Variants in PAFAH1B1 observed in about 807,000 individuals in gnomAD.
The protein encoded by PAFAH1B1 is platelet-activating factor acetylhydrolase IB subunit beta.
A neutral mutation model predicts 57.5 loss-of-function variants in PAFAH1B1; 2 were observed. That is an observed-to-expected ratio of 0.03 (90% CI 0.01 to 0.11). The LOEUF is 0.11. Ranked by LOEUF, PAFAH1B1 falls within the 10% of genes least tolerant of loss-of-function variation. The pLI is 1.00. For synonymous variants in PAFAH1B1, 152 were observed against 169.6 expected (o/e 0.90, Z 0.81); for missense variants, 257 against 512.0 (o/e 0.50, Z 4.81).
chr17:2,667,911 C>G (rs967004319), intron 5 of PAFAH1B1, among the ~76,000 whole-genome samples: 3 of 151,680 alleles, frequency 2.0e-5, no homozygotes, highest in African/African-American at 4.9e-5. Flanking sequence ...ATAAAATGAC[C>G]GTTGTATAAA....
At chr17:2,625,160 A>G (rs2068473403) in intron 1 of PAFAH1B1, among the ~76,000 whole-genome samples, 1 of 152,182 alleles carries the variant, frequency 6.6e-6, no homozygotes, top group South Asian at 2.1e-4. Flanking sequence ...ATGCTTAAGA[A>G]TTCTGCATTC....
intron 1 of PAFAH1B1, chr17:2,613,381 A>G (rs979222551): frequency 6.7e-5 from 16 of 239,746 alleles, no homozygotes; most frequent in Admixed American, 4.9e-4. Context: ...GGCCCCCTTC[A>G]TAGGGGGAGG....
intron 9 of PAFAH1B1, among the ~76,000 whole-genome samples, chr17:2,678,760 C>T (rs2069315865): frequency 6.6e-6 from 1 of 152,054 alleles, no homozygotes; most frequent in Non-Finnish European, 1.5e-5. Flanking sequence ...TGATGCATGC[C>T]TATAGTCCTA....
At chr17:2,628,719 GGACCTTTT>G (rs1449125608) in intron 1 of PAFAH1B1, among the ~76,000 whole-genome samples, 1 of 152,014 alleles carries the variant, frequency 6.6e-6, no homozygotes, top group African/African-American at 2.4e-5. Flanking sequence ...GTCTGGTCCT[GGACCTTTT>G]TTTGTTGGTA....
At chr17:2,658,949 A>G (rs1182147093) in intron 2 of PAFAH1B1, among the ~76,000 whole-genome samples, 2 of 152,158 alleles carry the variant, frequency 1.3e-5, no homozygotes, top group African/African-American at 4.8e-5. Flanking sequence ...AGGGTATTGT[A>G]GCATAAAAGT....
At chr17:2,615,425 C>T (rs183405307) in intron 1 of PAFAH1B1, among the ~76,000 whole-genome samples, 1 of 152,226 alleles carries the variant, frequency 6.6e-6, no homozygotes, top group East Asian at 1.9e-4. Flanking sequence ...ATTTCGAAGA[C>T]AAAAGTAGGA....
rs1237262065 is a variant in PAFAH1B1 at position 2,658,444 on chromosome 17, A to AT, written c.33-6922dup. On this transcript the variant is annotated intron_variant, in intron 2 of 10. Coordinates refer to ENST00000397195, the MANE Select transcript of PAFAH1B1 (RefSeq NM_000430.4). ...AATACGAGAATGAACAGTAATGCATATTTTTTGTTTATTTATTTGGTTTTG... is the reference window on the plus strand; with the variant it reads ...AATACGAGAATGAACAGTAATGCATATTTTTTTGTTTATTTATTTGGTTTTG... Among the ~76,000 whole-genome samples the AT allele has an allele frequency of 3.3e-5, 5 of 152,118 alleles. No individual in the cohort carries two copies. In the South Asian group the frequency reaches 1.0e-3, roughly 31 times the overall value.
chr17:2,603,643 A>T (rs943319517), intron 1 of PAFAH1B1, among the ~76,000 whole-genome samples: 2 of 152,090 alleles, frequency 1.3e-5, no homozygotes, highest in African/African-American at 2.4e-5. Context: ...AAAAGTATGT[A>T]TATATGTATA....
At chr17:2,600,616 A>G (rs1037003264) in intron 1 of PAFAH1B1, among the ~76,000 whole-genome samples, 2 of 151,396 alleles carry the variant, frequency 1.3e-5, no homozygotes, top group African/African-American at 4.8e-5. Context: ...GTTCTATGAT[A>G]TACTAGTGTT....
At chr17:2,650,372 C>A (rs867207476) in intron 2 of PAFAH1B1, among the ~76,000 whole-genome samples, 1 of 151,962 alleles carries the variant, frequency 6.6e-6, no homozygotes, top group African/African-American at 2.4e-5. Context: ...ATTAGCCAGA[C>A]GTGGCGGTGT....
chr17:2,605,970 CTT>C (rs2068200688), intron 1 of PAFAH1B1, among the ~76,000 whole-genome samples: 1 of 152,104 alleles, frequency 6.6e-6, no homozygotes, highest in South Asian at 2.1e-4. Flanking sequence ...GAAGCAAAGT[CTT>C]TTACTTTGCT....
Position 2,638,285 on chromosome 17 carries a change from C to G in PAFAH1B1, c.-4C>G. Reference sequence around the variant, plus strand: ...TATCAGATAAGCTTGACATTACAGCCAAGATGGTGCTGTCCCAGAGACAAC... The same window carrying G: ...TATCAGATAAGCTTGACATTACAGCGAAGATGGTGCTGTCCCAGAGACAAC... On this transcript the variant is annotated 5_prime_UTR_variant, in exon 2 of 11. Coordinates refer to ENST00000397195, the MANE Select transcript of PAFAH1B1 (RefSeq NM_000430.4). 1 of 1,611,976 alleles carries G rather than the reference C, an allele frequency of 6.2e-7. No homozygotes were observed. Among genetic ancestry groups the G allele is most frequent in the Non-Finnish European group, 8.5e-7 (1 of 1,179,132 alleles).
chr17:2,650,006 A>G (rs986123147), intron 2 of PAFAH1B1, among the ~76,000 whole-genome samples: 13 of 152,276 alleles, frequency 8.5e-5, no homozygotes, highest in African/African-American at 2.9e-4. Context: ...GTAGAGGTGG[A>G]CTTCCTCAAG....
chr17:2,655,316 A>G (rs992362244), intron 2 of PAFAH1B1, among the ~76,000 whole-genome samples: 7 of 152,018 alleles, frequency 4.6e-5, no homozygotes, highest in Admixed American at 3.9e-4. Flanking sequence ...CCTTTTACAT[A>G]CCACATCACA....
At chr17:2,647,195 C>A (rs1310045389) in intron 2 of PAFAH1B1, among the ~76,000 whole-genome samples, 1 of 152,070 alleles carries the variant, frequency 6.6e-6, no homozygotes, top group Admixed American at 6.6e-5. Context: ...ACTAAAAATA[C>A]AAAAATTAGC....
chr17:2,596,282 AT>A (rs2068083550), intron 1 of PAFAH1B1, among the ~76,000 whole-genome samples: 1 of 152,192 alleles, frequency 6.6e-6, no homozygotes, highest in South Asian at 2.1e-4. Flanking sequence ...AATGTCAGAA[AT>A]ATTTGGCAAG....
rs890375326 is a variant in PAFAH1B1 at position 2,683,730 on chromosome 17, A to G, written c.*1928A>G. 3 of 152,490 alleles carry G rather than the reference A, an allele frequency of 2.0e-5. No individual in the cohort carries two copies. Among genetic ancestry groups the G allele is most frequent in the Admixed American group, 2.0e-4 (3 of 15,274 alleles). 9.4% of individuals were successfully genotyped at this position (152,490 alleles called of 1,614,324 possible). A position where few individuals can be genotyped will look rare whatever the true frequency, so the allele number is the denominator to read the frequency against. On this transcript the variant is annotated 3_prime_UTR_variant, in exon 11 of 11. Transcript: ENST00000397195. ...AATATTGCCTCACAACCCTGCTTAC[A>G]TTGAAAAGTCTTTTTCCCTTAGCTC...
chr17:2,620,690 C>T (rs777001500), intron 1 of PAFAH1B1, among the ~76,000 whole-genome samples: 1 of 152,094 alleles, frequency 6.6e-6, no homozygotes, highest in African/African-American at 2.4e-5. Flanking sequence ...GGTAAAACCC[C>T]GTCTCTACTA....
At position 2,663,113 on chromosome 17, in the gene PAFAH1B1, CTAAA is replaced by C. The variant is rs150541251; in HGVS notation, c.33-2254_33-2251del. On this transcript the variant is annotated intron_variant, in intron 2 of 10. Coordinates refer to ENST00000397195, the MANE Select transcript of PAFAH1B1 (RefSeq NM_000430.4). ...GGGCAATAAGAGTGAAACTCTGTCT[CTAAA>C]TAAAGAAAGAAAGAGCCAAGCGTGG... Among the ~76,000 whole-genome samples, 895 of 150,264 alleles carry C rather than the reference CTAAA, an allele frequency of 6.0e-3. 5 individuals are homozygous for C. Among genetic ancestry groups the C allele is most frequent in the African/African-American group, 0.02 (830 of 41,352 alleles).
Sources: gnomAD v4.1 joint callset for allele counts (sites outside exome capture counted in the v4.1 genomes callset) on GRCh38, gnomAD v4.1.1 for gene constraint, MANE v1.5 for transcripts, NCBI Gene and HGNC (gene_info 2026-07-23, HGNC 2026-07-21) for gene names.